FRMD4A: variants seen among roughly 807,000 people sequenced by gnomAD.
FRMD4A encodes the protein FERM domain containing 4A, also known as FERM domain-containing protein 4A.
In FRMD4A, 29 loss-of-function variants were observed where a neutral mutation model predicts 129.1. The ratio of observed to expected loss-of-function variants is 0.22; its 90% confidence interval spans 0.17 to 0.31. The LOEUF (loss-of-function observed/expected upper bound fraction) is 0.31. FRMD4A is among the 10% of genes least tolerant of loss of function. The probability of loss-of-function intolerance (pLI) is 1.00; values close to 1 mark genes in which losing one functional copy is unlikely to be tolerated. For missense variants in FRMD4A, 1,272 were observed against 1,375.8 expected (o/e 0.92, Z 1.19); for synonymous variants, 634 against 571.6 (o/e 1.11, Z -1.56).
chr10:14,224,576 T>A lies in FRMD4A; in HGVS notation c.45+105482A>T, dbSNP rs1015290807. Among the ~76,000 whole-genome samples, 643 of 152,270 alleles carry A rather than the reference T, an allele frequency of 4.2e-3. 1 individual carries two copies. Among genetic ancestry groups the A allele is most frequent in the African/African-American group, 0.014 (576 of 41,534 alleles). ...GTTTGCACTTTGATTAAATTTTGAT[T>A]TTTTTTTTCTGTGAAGAGTTTCAAA... On this transcript the variant is annotated intron_variant, in intron 2 of 24. Coordinates refer to ENST00000357447, the MANE Select transcript of FRMD4A (RefSeq NM_018027.5).
chr10:13,791,549 A>T (rs1023064637), intron 5 of FRMD4A, among the ~76,000 whole-genome samples: 2 of 152,156 alleles, frequency 1.3e-5, no homozygotes, highest in Non-Finnish European at 2.9e-5. Context: ...ATGGATTTGC[A>T]CTGAATTGGC....
intron 8 of FRMD4A, among the ~76,000 whole-genome samples, chr10:13,750,069 GAAGAAAGA>G (rs1185474605): frequency 1.8e-3 from 99 of 55,654 alleles, no homozygotes; most frequent in African/African-American, 5.5e-3. Flanking sequence ...AGGAAGGAAG[GAAGAAAGA>G]AAGAAAGAAA....
intron 2 of FRMD4A, among the ~76,000 whole-genome samples, chr10:14,144,445 T>A (rs1340897695): frequency 1.3e-5 from 2 of 152,206 alleles, no homozygotes; most frequent in Non-Finnish European, 2.9e-5. Context: ...AGGTGAATCT[T>A]TCAAGCAGTG....
chr10:14,187,910 C>T (rs761057300), intron 2 of FRMD4A, among the ~76,000 whole-genome samples: 7 of 152,196 alleles, frequency 4.6e-5, no homozygotes, highest in Non-Finnish European at 8.8e-5. Context: ...CAGTGGGGTT[C>T]CCAGTTTTCC....
At chr10:13,934,817 T>C (rs547036473) in intron 2 of FRMD4A, among the ~76,000 whole-genome samples, 113 of 152,242 alleles carry the variant, frequency 7.4e-4, no homozygotes, top group Non-Finnish European at 1.4e-3. Flanking sequence ...TTGCAGTCCC[T>C]TGGGCTTCTA....
At chr10:14,223,974 T>C (rs1388097894) in intron 2 of FRMD4A, among the ~76,000 whole-genome samples, 1 of 152,146 alleles carries the variant, frequency 6.6e-6, no homozygotes, top group Non-Finnish European at 1.5e-5. Flanking sequence ...TTCTCTAATA[T>C]GGATCATCTG....
intron 2 of FRMD4A, among the ~76,000 whole-genome samples, chr10:13,926,611 C>A (rs926917524): frequency 3.9e-5 from 6 of 152,176 alleles, no homozygotes; most frequent in African/African-American, 1.4e-4. Flanking sequence ...TTTGGTCCAC[C>A]AGCTGCTGTT....
intron 2 of FRMD4A, among the ~76,000 whole-genome samples, chr10:14,279,182 ATT>A (rs1223887250): frequency 0.062 from 6,118 of 99,244 alleles, 97 homozygotes; most frequent in Middle Eastern, 0.086. Context: ...AGGAAGCGGG[ATT>A]TTTTTTTTTT....
chr10:13,771,892 C>A (rs1315650324), intron 6 of FRMD4A, among the ~76,000 whole-genome samples: 3 of 151,784 alleles, frequency 2.0e-5, no homozygotes, highest in South Asian at 2.1e-4. Context: ...CCAGCCTGGG[C>A]AACATGGTGA....
intron 2 of FRMD4A, among the ~76,000 whole-genome samples, chr10:13,946,504 C>T (rs1039723237): frequency 6.6e-6 from 1 of 152,220 alleles, no homozygotes; most frequent in African/African-American, 2.4e-5. Context: ...GTCTTTTAGA[C>T]ACTGAACACA....
intron 2 of FRMD4A, among the ~76,000 whole-genome samples, chr10:13,888,636 A>G (rs1370253489): frequency 6.6e-6 from 1 of 152,214 alleles, no homozygotes; most frequent in African/African-American, 2.4e-5. Context: ...AGGTCCCAGA[A>G]ATTGCTTCTA....
chr10:13,744,863 T>C (rs1434335026), intron 9 of FRMD4A, among the ~76,000 whole-genome samples: 2 of 152,204 alleles, frequency 1.3e-5, no homozygotes, highest in African/African-American at 4.8e-5. Flanking sequence ...GTGCACCTGC[T>C]CTCTCTTCAT....
At position 14,208,272 on chromosome 10, in the gene FRMD4A, T is replaced by C. The variant is rs189521546; in HGVS notation, c.45+121786A>G. Among the ~76,000 whole-genome samples, 396 of 152,188 alleles carry C rather than the reference T, an allele frequency of 2.6e-3. 9 individuals carry two copies. The highest frequency in any genetic ancestry group is 5.0e-4 in the Non-Finnish European group (34 of 68,008). On this transcript the variant is annotated intron_variant, in intron 2 of 24. Coordinates refer to ENST00000357447, the MANE Select transcript of FRMD4A (RefSeq NM_018027.5). ...AATCCTACATGCTGCCTTGAAGCTA[T>C]TGTAGGCCAGAGTTCTGGATGTAAC...
At chr10:13,806,285 C>G (rs528501702) in intron 4 of FRMD4A, among the ~76,000 whole-genome samples, 1 of 152,112 alleles carries the variant, frequency 6.6e-6, no homozygotes, top group East Asian at 1.9e-4. Flanking sequence ...CCACTGCACT[C>G]AGCCCACAAT....
intron 2 of FRMD4A, among the ~76,000 whole-genome samples, chr10:13,965,065 A>ATTTTTTT (rs398012865): frequency 7.1e-6 from 1 of 141,078 alleles, no homozygotes; most frequent in African/African-American, 2.6e-5. Flanking sequence ...ACCACTGGGC[A>ATTTTTTT]TTTTTTTTTT....
chr10:14,240,692 A>C (rs1255468028), intron 2 of FRMD4A, among the ~76,000 whole-genome samples: 1 of 152,220 alleles, frequency 6.6e-6, no homozygotes, highest in Non-Finnish European at 1.5e-5. Flanking sequence ...GCCATTCGGA[A>C]GCTATTGCAC....
intron 2 of FRMD4A, among the ~76,000 whole-genome samples, chr10:14,304,486 T>G (rs1846282744): frequency 6.6e-6 from 1 of 152,212 alleles, no homozygotes; most frequent in South Asian, 2.1e-4. Flanking sequence ...CATACGCTTG[T>G]TCATGTTACC....
intron 2 of FRMD4A, among the ~76,000 whole-genome samples, chr10:14,115,667 A>C (rs1389978782): frequency 6.6e-6 from 1 of 152,142 alleles, no homozygotes; most frequent in Non-Finnish European, 1.5e-5. Flanking sequence ...AGTTTGCACA[A>C]GAACTGGTGG....
At chr10:14,131,364 G>A (rs117643847) in intron 2 of FRMD4A, among the ~76,000 whole-genome samples, 1,604 of 151,764 alleles carry the variant, frequency 0.011, 16 homozygotes, top group Non-Finnish European at 0.017. Context: ...CCAACCTTCC[G>A]GCTGCTTTAG....
Sources: allele counts gnomAD v4.1 joint callset (sites outside exome capture counted in the v4.1 genomes callset), GRCh38; gene constraint gnomAD v4.1.1; transcripts MANE v1.5; gene names NCBI Gene and HGNC (gene_info 2026-07-23, HGNC 2026-07-21).